ZNF839: variants seen among roughly 807,000 people sequenced by gnomAD.
ZNF839 encodes renal carcinoma antigen NY-REN-50.
ZNF839 carries 38 observed loss-of-function variants against 56.4 expected under a neutral mutation model. The ratio of observed to expected loss-of-function variants is 0.67; its 90% CI spans 0.52 to 0.88. The LOEUF (loss-of-function observed/expected upper bound fraction) is 0.88. Among genes scored for constraint, ZNF839 ranks in the 40% least tolerant of loss-of-function variants. ZNF839 has a pLI of 0.00. For missense variants in ZNF839, 1,091 were observed against 1,177.6 expected, an observed-to-expected ratio of 0.93 and a Z score of 1.08; for synonymous variants, 486 against 493.5, an observed-to-expected ratio of 0.98 and a Z score of 0.20.
Position 102,342,028 on chromosome 14 carries a change from G to A in ZNF839, c.2633G>A (p.Ser878Asn), listed in dbSNP as rs1886586372. 2.5e-6 allele frequency: 4 copies of A among 1,613,908 alleles called. No individual in the cohort carries two copies. Among genetic ancestry groups the A allele is most frequent in the Admixed American group, 3.3e-5 (2 of 60,006 alleles). The change falls in exon 8 of 8, where the codon AGC becomes AAC. Residue 878 changes from serine (S) to asparagine (N), a missense_variant. Physicochemically the swap from Ser to Asn is conservative, Grantham distance 46. Around this residue, in one of 3 missense-constraint regions of ZNF839, gnomAD observed 431 missense variants for 468.0 expected, o/e 0.92. Coordinates refer to ENST00000442396, the MANE Select transcript of ZNF839 (RefSeq NM_018335.6). ...EAMAFEISNG[S>N]HELLSQGQKQ... ...ATGGCTTTTGAAATTTCCAATGGGA[G>A]CCATGAGTTACTGTCTCAGGGACAG...
chr14:102,320,044 C>G lies in ZNF839; in HGVS notation c.279C>G (p.Leu93=). The change falls in exon 1 of 8, where the codon CTC becomes CTG. Residue 93 remains leucine, a synonymous_variant. Coordinates refer to ENST00000442396, the MANE Select transcript of ZNF839 (RefSeq NM_018335.6). ...GTEPPRLPRL[L]PPQQLEAICV... ...AGCCCCCGCGCCTGCCGCGCCTGCT[C>G]CCGCCCCAGGTGAGGCGTCGGGAGG... The G allele has an allele frequency of 8.5e-7, 1 of 1,180,864 alleles. No individual in the cohort carries two copies. Among genetic ancestry groups the G allele is most frequent in the Non-Finnish European group, 1.0e-6 (1 of 955,530 alleles). 73.1% of individuals were successfully genotyped at this position (1,180,864 alleles called of 1,614,324 possible).
At chr14:102,336,192 CAA>C (rs200609836) in intron 5 of ZNF839, among the ~76,000 whole-genome samples, 2 of 123,728 alleles carry the variant, frequency 1.6e-5, no homozygotes, top group Non-Finnish European at 3.5e-5. Flanking sequence ...AAAACAAAAC[CAA>C]AAAAAAAAAA....
At chr14:102,331,411 G>C (rs764806024) in intron 2 of ZNF839, 4 of 507,042 alleles carry the variant, frequency 7.9e-6, no homozygotes, top group Non-Finnish European at 1.4e-5. Flanking sequence ...ACCGCGCCTG[G>C]CTAATTTTTT....
intron 3 of ZNF839, 149 bp from the exon 4 acceptor site, chr14:102,334,405 T>C (rs912854188): frequency 8.1e-6 from 5 of 619,790 alleles, no homozygotes; most frequent in African/African-American, 1.8e-5. Flanking sequence ...ACAGGTGAAA[T>C]AGTTAATAAA....
At position 102,331,689 on chromosome 14, in the gene ZNF839, C is replaced by T; in HGVS notation, c.1259C>T (p.Ser420Leu). 6.2e-7 allele frequency: 1 copy of T among 1,612,168 alleles called. No homozygotes were observed. Among genetic ancestry groups the T allele is most frequent in the Non-Finnish European group, 8.5e-7 (1 of 1,179,110 alleles). ...SEPENGALLRSERYQGPRRRA... is the reference protein window; with the variant it reads ...SEPENGALLRLERYQGPRRRA... The stretch of plus-strand genomic sequence containing the variant: ...CCAGAAAATGGAGCTCTTTTGCGAT[C>T]AGAGAGATACCAAGGACCTAGAAGA... Residue 420 changes from serine to leucine, a missense_variant, in exon 3 of 8, where the codon TCA becomes TTA. By Grantham distance (145) the Ser-to-Leu change is moderately radical. This residue lies in a region of ZNF839 where 614 missense variants were observed against 629.2 expected (regional missense o/e 0.98). Coordinates refer to ENST00000442396, the MANE Select transcript of ZNF839 (RefSeq NM_018335.6).
intron 1 of ZNF839, among the ~76,000 whole-genome samples, chr14:102,322,700 G>A (rs2073195076): frequency 1.3e-5 from 2 of 152,006 alleles, no homozygotes; most frequent in African/African-American, 4.8e-5. Context: ...GAGTAGCTGG[G>A]GCTACATGTA....
chr14:102,335,619 A>G lies in ZNF839; in HGVS notation c.1510-70A>G, dbSNP rs2073980604. On this transcript the variant is annotated intron_variant, in intron 4 of 7. Coordinates refer to ENST00000442396, the MANE Select transcript of ZNF839 (RefSeq NM_018335.6). The stretch of plus-strand genomic sequence containing the variant: ...GTTAAGGAACCGAAACTTTGTTTAG[A>G]TTTTCTTCTGTATTTTCCATATCAG... 3.7e-5 allele frequency: 55 copies of G among 1,476,180 alleles called. 1 individual carries two copies. The South Asian group carries it at 6.6e-4, about 18-fold the overall frequency. 91.4% of individuals were successfully genotyped at this position (1,476,180 alleles called of 1,614,324 possible). A position where few individuals can be genotyped will look rare whatever the true frequency, so the allele number is the denominator to read the frequency against.
At chr14:102,328,981 T>G (rs2073626167) in intron 2 of ZNF839, among the ~76,000 whole-genome samples, 1 of 151,920 alleles carries the variant, frequency 6.6e-6, no homozygotes, top group Non-Finnish European at 1.5e-5. Context: ...TTCTTTTTTT[T>G]TTTTTTTGAG....
In ZNF839 at chr14:102,331,859, T is replaced by C; in HGVS notation, c.1416+13T>C. ...CAGGCTCAAGGAGGTACCTCACTCT[T>C]AAACCCTGTGCTTGAAACCCGTGTC... On this transcript the variant is annotated intron_variant, in intron 3 of 7. Transcript: ENST00000442396. 5.8e-6 allele frequency: 9 copies of C among 1,541,750 alleles called. No individual in the cohort carries two copies. Among genetic ancestry groups the C allele is most frequent in the Non-Finnish European group, 7.8e-6 (9 of 1,148,132 alleles).
rs1462417029 is a variant in ZNF839 at position 102,331,767 on chromosome 14, G to A, written c.1337G>A (p.Arg446Lys). 1.2e-6 allele frequency: 2 copies of A among 1,601,136 alleles called. No homozygotes were observed. Among genetic ancestry groups the A allele is most frequent in the South Asian group, 2.2e-5 (2 of 88,992 alleles). Residue 446 changes from arginine (R) to lysine (K), a missense_variant, in exon 3 of 8, where the codon AGA (arginine) becomes AAA (lysine). By Grantham distance (26) the Arg-to-Lys change is conservative. Coordinates refer to ENST00000442396, the MANE Select transcript of ZNF839 (RefSeq NM_018335.6). ...TCCCGCACAGCTGTCCTCCAGCAGAGAAGAGCTGCTCAGCTACCTGGTGGC... is the reference window on the plus strand; with the variant it reads ...TCCCGCACAGCTGTCCTCCAGCAGAAAAGAGCTGCTCAGCTACCTGGTGGC... ...AESRTAVLQQRRAAQLPGGPA... is the reference protein window; with the variant it reads ...AESRTAVLQQKRAAQLPGGPA...
Position 102,326,280 on chromosome 14 carries a change from C to T in ZNF839, c.584C>T (p.Ala195Val). The T allele has an allele frequency of 6.2e-7, 1 of 1,613,640 alleles. No homozygotes were observed. Reference sequence around the variant, plus strand: ...GTGGTCCCTGCAAAGAGAGTCCCAGCCCCCAAGGCTCCAGATGAACAGGGC... The same window carrying T: ...GTGGTCCCTGCAAAGAGAGTCCCAGTCCCCAAGGCTCCAGATGAACAGGGC... ...LQVVPAKRVP[A>V]PKAPDEQGSM... is the part of the protein sequence containing the mutation. Residue 195 changes from alanine to valine, a missense_variant, in exon 2 of 8, where the codon GCC (alanine) becomes GTC (valine). Transcript: ENST00000442396. The surrounding 1 kb of genome is among the most constrained non-coding windows in gnomAD (Gnocchi z 4.3).
rs2073988976 is a variant in ZNF839 at position 102,335,800 on chromosome 14, C to G, written c.1621C>G (p.Leu541Val). ...MCQDYLSSSG[L>V]CSQETLEINN... ...CCAAGATTACCTCAGTAGTTCTGGT[C>G]TGTGTTCCCAGGAGACCCTGGAAAT... The change falls in exon 5 of 8, where the codon CTG becomes GTG. Residue 541 changes from leucine to valine, a missense_variant. Coordinates refer to ENST00000442396, the MANE Select transcript of ZNF839 (RefSeq NM_018335.6). 1 of 1,609,154 alleles carries G rather than the reference C, an allele frequency of 6.2e-7. No homozygotes were observed. Among genetic ancestry groups the G allele is most frequent in the African/African-American group, 1.3e-5 (1 of 74,916 alleles).
chr14:102,335,872 C>T (rs772480014), intron 5 of ZNF839, 34 bp downstream of exon 5: 8 of 1,604,394 alleles, frequency 5.0e-6, no homozygotes, highest in South Asian at 1.1e-5. Context: ...GAGTTTTGCT[C>T]ATAGAGTTAG....
chr14:102,327,496 A>AC (rs1412253665), intron 2 of ZNF839, among the ~76,000 whole-genome samples: 2 of 152,110 alleles, frequency 1.3e-5, no homozygotes, highest in African/African-American at 4.8e-5. Context: ...GTCATGCTAA[A>AC]CCAGCCATGA....
rs756370417 is a variant in ZNF839 at position 102,331,745 on chromosome 14, C to A, written c.1315C>A (p.Arg439Ser). The change falls in exon 3 of 8, where the codon CGC becomes AGC. Residue 439 changes from arginine (R) to serine (S), a missense_variant. Transcript: ENST00000442396. ...ATGCTCAGAGACCCTTGCAGAGTCC[C>A]GCACAGCTGTCCTCCAGCAGAGAAG... ...RACSETLAES[R>S]TAVLQQRRAA... The A allele has an allele frequency of 6.2e-7, 1 of 1,604,314 alleles. No individual in the cohort carries two copies. The highest frequency in any genetic ancestry group is 8.5e-7 in the Non-Finnish European group (1 of 1,175,502).
Position 102,319,792 on chromosome 14 carries a change from GGGCGGCAGCGAGGATGGCGGCGGCGGC to G in ZNF839, c.34_60del (p.Ser12_Gly20del), listed in dbSNP as rs1024343610. The G allele has an allele frequency of 1.1e-5, 14 of 1,232,500 alleles. No homozygotes were observed. The African/African-American group carries it at 1.9e-4, about 16-fold the overall frequency. The allele number at this position is 1,232,500 out of a possible 1,614,324, so 76.3% of individuals were successfully genotyped here. A position where few individuals can be genotyped will look rare whatever the true frequency, so the allele number is the denominator to read the frequency against. ...TGGCGGATGCGGAGCCGGAGGCTGG[GGGCGGCAGCGAGGATGGCGGCGGCGGC>G]GGCGGCCCGGCTCCTCCGGGCCAGA... On this transcript the variant is annotated inframe_deletion, in exon 1 of 8. Coordinates refer to ENST00000442396, the MANE Select transcript of ZNF839 (RefSeq NM_018335.6). This position sits in a 1 kb window ranked among gnomAD's most constrained non-coding sequence, Gnocchi z 4.5.
At position 102,319,958 on chromosome 14, in the gene ZNF839, G is replaced by T; in HGVS notation, c.193G>T (p.Ala65Ser). 8.6e-7 allele frequency: 1 copy of T among 1,158,738 alleles called. No homozygotes were observed. The highest frequency in any genetic ancestry group is 3.9e-5 in the South Asian group (1 of 25,676). The allele number at this position is 1,158,738 out of a possible 1,614,324, so 71.8% of individuals were successfully genotyped here. The change falls in exon 1 of 8, where the codon GCG (alanine) becomes TCG (serine). Residue 65 changes from alanine (A) to serine (S), a missense_variant. Coordinates refer to ENST00000442396, the MANE Select transcript of ZNF839 (RefSeq NM_018335.6). The surrounding 1 kb of genome is among the most constrained non-coding windows in gnomAD (Gnocchi z 4.5). ...PPPPPFVLRDAARRLRDAAQQ... is the reference protein window; with the variant it reads ...PPPPPFVLRDSARRLRDAAQQ... ...GCCGCCCCCCTTCGTGCTGCGGGAC[G>T]CGGCGCGGCGGCTGCGGGACGCGGC...
chr14:102,339,250 T>G (rs745830319), intron 7 of ZNF839, 27 bp downstream of exon 7: 5 of 1,604,092 alleles, frequency 3.1e-6, no homozygotes, highest in Admixed American at 1.7e-5. Flanking sequence ...GTTTGTGGGG[T>G]GTATCCATGG....
intron 1 of ZNF839, among the ~76,000 whole-genome samples, chr14:102,321,680 C>G (rs949848121): frequency 6.6e-6 from 1 of 152,108 alleles, no homozygotes. Flanking sequence ...CAGATAACTT[C>G]TAGTCAAGGC....
Sources: gnomAD v4.1 joint callset for allele counts (sites outside exome capture counted in the v4.1 genomes callset) on GRCh38, gnomAD v4.1.1 for gene constraint, gnomAD v4.1.1 regional missense constraint, Gnocchi (gnomAD v3.1) non-coding constraint, MANE v1.5 for transcripts, NCBI Gene and HGNC (gene_info 2026-07-23, HGNC 2026-07-21) for gene names.